UBE3A: variants seen among roughly 807,000 people sequenced by gnomAD.
UBE3A encodes the protein ubiquitin-protein ligase E3A.
A neutral mutation model predicts 83.4 loss-of-function variants in UBE3A; 6 were observed. That is an observed-to-expected ratio of 0.07 (90% confidence interval 0.04 to 0.14). The LOEUF is 0.14. UBE3A is among the 10% of genes least tolerant of loss of function. UBE3A has a pLI of 1.00. For missense variants in UBE3A, 456 were observed against 1,036.1 expected, an observed-to-expected ratio of 0.44 and a Z score of 7.69; for synonymous variants, 337 against 355.4, an observed-to-expected ratio of 0.95 and a Z score of 0.58.
At chr15:25,367,200 T>C (rs148960055) in intron 6 of UBE3A, among the ~76,000 whole-genome samples, 75 of 99,588 alleles carry the variant, frequency 7.5e-4, no homozygotes, top group African/African-American at 6.2e-3. Flanking sequence ...AATATTTACA[T>C]ATTTGTAAAT....
At chr15:25,431,487 C>G (rs550607523) in intron 1 of UBE3A, among the ~76,000 whole-genome samples, 1 of 152,082 alleles carries the variant, frequency 6.6e-6, no homozygotes, top group African/African-American at 2.4e-5. Flanking sequence ...GGATTACAGA[C>G]GTGTGCCACC....
intron 4 of UBE3A, among the ~76,000 whole-genome samples, chr15:25,401,604 T>A (rs2087104752): frequency 6.6e-6 from 1 of 152,208 alleles, no homozygotes; most frequent in South Asian, 2.1e-4. Context: ...TCTCTTATGA[T>A]CCTCTTATTT....
In UBE3A at chr15:25,337,186, T is replaced by C. The variant is rs2074008856; in HGVS notation, c.*1951A>G. 1 of 152,188 alleles carries C rather than the reference T, an allele frequency of 6.6e-6. No individual in the cohort carries two copies. The highest frequency in any genetic ancestry group is 2.4e-5 in the African/African-American group (1 of 41,450). The allele number at this position is 152,188 out of a possible 1,614,324, so 9.4% of individuals were successfully genotyped here. ...AAAACTTGTCATATGGATACGTTATTACAATTGTAGAACTTTAATAAATAC... is the reference window on the plus strand; with the variant it reads ...AAAACTTGTCATATGGATACGTTATCACAATTGTAGAACTTTAATAAATAC... On this transcript the variant is annotated 3_prime_UTR_variant, in exon 13 of 13. Coordinates refer to ENST00000648336, the MANE Select transcript of UBE3A (RefSeq NM_130839.5).
Position 25,422,332 on chromosome 15 carries a change from T to C in UBE3A, c.-164-10361A>G, listed in dbSNP as rs1300525604. ...GTAATTCAATTGTTCTAAAGCTTGA[T>C]TGTAGTAGCAGTGATAGTGTATATA... On this transcript the variant is annotated intron_variant, in intron 1 of 12. Transcript: ENST00000648336. 3.9e-5 allele frequency among the ~76,000 whole-genome samples: 6 copies of C among 152,170 alleles called. No individual in the cohort carries two copies. In the South Asian group the frequency reaches 6.2e-4, roughly 16 times the overall value.
chr15:25,376,241 C>G (rs1455773648), intron 4 of UBE3A, among the ~76,000 whole-genome samples: 1 of 152,150 alleles, frequency 6.6e-6, no homozygotes, highest in East Asian at 1.9e-4. Context: ...ATAGTTAACA[C>G]AGAATATCTA....
At chr15:25,426,859 CCG>C (rs1409806794) in intron 1 of UBE3A, among the ~76,000 whole-genome samples, 1 of 151,784 alleles carries the variant, frequency 6.6e-6, no homozygotes, top group Middle Eastern at 3.2e-3. Context: ...GGGTCTGTCA[CCG>C]CGGCTGGAGT....
intron 2 of UBE3A, among the ~76,000 whole-genome samples, chr15:25,410,295 A>C (rs1423896530): frequency 6.6e-6 from 1 of 152,196 alleles, no homozygotes; most frequent in African/African-American, 2.4e-5. Context: ...ATATCTTTTT[A>C]ACCCCTTACA....
Position 25,339,074 on chromosome 15 carries a change from AT to A in UBE3A, c.*62del. Reference sequence around the variant, plus strand: ...ATTTATCCCTCGTTATATTTTTAAAATTTTTTAAATTTTTTCTTTTTTTTTC... The same window carrying A: ...ATTTATCCCTCGTTATATTTTTAAAATTTTTAAATTTTTTCTTTTTTTTTC... On this transcript the variant is annotated 3_prime_UTR_variant, in exon 13 of 13. Coordinates refer to ENST00000648336, the MANE Select transcript of UBE3A (RefSeq NM_130839.5). 1 of 1,463,990 alleles carries A rather than the reference AT, an allele frequency of 6.8e-7. No homozygotes were observed. The highest frequency in any genetic ancestry group is 9.0e-7 in the Non-Finnish European group (1 of 1,112,064). The allele number at this position is 1,463,990 out of a possible 1,614,324, so 90.7% of individuals were successfully genotyped here. A position where few individuals can be genotyped will look rare whatever the true frequency, so the allele number is the denominator to read the frequency against.
At chr15:25,422,686 A>G (rs1024197337) in intron 1 of UBE3A, among the ~76,000 whole-genome samples, 1 of 152,064 alleles carries the variant, frequency 6.6e-6, no homozygotes, top group Middle Eastern at 3.2e-3. Flanking sequence ...AGAAAATACA[A>G]GAGATTGGCC....
chr15:25,383,763 C>A (rs1028181214), intron 4 of UBE3A, among the ~76,000 whole-genome samples: 8 of 152,116 alleles, frequency 5.3e-5, no homozygotes, highest in Admixed American at 2.6e-4. Flanking sequence ...TGAAAGTTTT[C>A]CCTCTAAGAT....
chr15:25,391,051 C>T (rs1278548166), intron 4 of UBE3A, among the ~76,000 whole-genome samples: 1 of 152,010 alleles, frequency 6.6e-6, no homozygotes, highest in Non-Finnish European at 1.5e-5. Flanking sequence ...ATTTGTATAC[C>T]CATGTTTATT....
chr15:25,419,199 C>G (rs1027953100), intron 1 of UBE3A: 3 of 152,052 alleles, frequency 2.0e-5, no homozygotes, highest in Non-Finnish European at 4.4e-5. Flanking sequence ...ATAGTAAATT[C>G]TAGTTAAAAA....
At chr15:25,401,744 T>G (rs2087158256) in intron 4 of UBE3A, among the ~76,000 whole-genome samples, 1 of 152,132 alleles carries the variant, frequency 6.6e-6, no homozygotes, top group Admixed American at 6.5e-5. Context: ...CTCTTTATTT[T>G]TTTTATCTTG....
chr15:25,423,813 CA>C (rs1036578015), intron 1 of UBE3A, among the ~76,000 whole-genome samples: 5 of 152,114 alleles, frequency 3.3e-5, no homozygotes, highest in Non-Finnish European at 5.9e-5. Flanking sequence ...CTGCTCTGGT[CA>C]AAAAACTTTG....
intron 1 of UBE3A, chr15:25,417,923 A>C (rs956785456): frequency 3.3e-5 from 5 of 152,010 alleles, no homozygotes; most frequent in Admixed American, 6.6e-5. Context: ...AAAAGAAAAA[A>C]AAAACAAAAC....
intron 4 of UBE3A, among the ~76,000 whole-genome samples, chr15:25,400,292 C>A: frequency 6.6e-6 from 1 of 152,126 alleles, no homozygotes; most frequent in East Asian, 1.9e-4. Context: ...CCTGTAGATA[C>A]CAAAATCCAT....
At chr15:25,383,525 T>C (rs1308800202) in intron 4 of UBE3A, among the ~76,000 whole-genome samples, 1 of 151,948 alleles carries the variant, frequency 6.6e-6, no homozygotes, top group Non-Finnish European at 1.5e-5. Flanking sequence ...TAATTCCAGC[T>C]ACTCGGGAGG....
At chr15:25,416,729 A>C (rs1887049685) in intron 1 of UBE3A, among the ~76,000 whole-genome samples, 1 of 152,164 alleles carries the variant, frequency 6.6e-6, no homozygotes, top group Admixed American at 6.5e-5. Flanking sequence ...ATTTCAGAGA[A>C]AGATCCGAAA....
intron 4 of UBE3A, among the ~76,000 whole-genome samples, chr15:25,377,817 A>G (rs1018593008): frequency 1.3e-5 from 2 of 152,216 alleles, no homozygotes; most frequent in African/African-American, 4.8e-5. Context: ...AGGTCACACA[A>G]TAAAATAAAA....
Sources: gnomAD v4.1 joint callset for allele counts (sites outside exome capture counted in the v4.1 genomes callset) on GRCh38, gnomAD v4.1.1 for gene constraint, MANE v1.5 for transcripts, NCBI Gene and HGNC (gene_info 2026-07-23, HGNC 2026-07-21) for gene names.